Variants in CSMD1 observed in about 807,000 individuals in gnomAD.
CSMD1 encodes CUB and Sushi multiple domains 1.
A neutral mutation model predicts 417.5 loss-of-function variants in CSMD1; 213 were observed. The ratio of observed to expected loss-of-function variants is 0.51; its 90% CI spans 0.46 to 0.57. The LOEUF (loss-of-function observed/expected upper bound fraction) is 0.57. Ranked by LOEUF, CSMD1 falls within the 20% of genes least tolerant of loss-of-function variation. CSMD1 has a pLI of 0.00. For synonymous variants in CSMD1, 2,862 were observed against 1,736.8 expected (o/e 1.65, Z -16.11); for missense variants, 6,923 against 4,529.7 (o/e 1.53, Z -15.17).
intron 3 of CSMD1, among the ~76,000 whole-genome samples, chr8:4,283,608 G>A (rs1042728438): frequency 2.6e-5 from 4 of 152,128 alleles, no homozygotes; most frequent in Non-Finnish European, 5.9e-5. Context: ...GGTCCTTGGG[G>A]ACACGAAACT....
At chr8:4,142,352 T>C (rs1382611548) in intron 3 of CSMD1, among the ~76,000 whole-genome samples, 1 of 151,188 alleles carries the variant, frequency 6.6e-6, no homozygotes, top group Non-Finnish European at 1.5e-5. Flanking sequence ...GGTTATGATA[T>C]TTGGCTGTAG....
At chr8:4,251,766 G>A (rs867134871) in intron 3 of CSMD1, among the ~76,000 whole-genome samples, 2 of 151,996 alleles carry the variant, frequency 1.3e-5, no homozygotes, top group Non-Finnish European at 2.9e-5. Context: ...GTGTGTGAGA[G>A]TGATGCAGGG....
chr8:3,449,680 G>C (rs973750635), intron 12 of CSMD1, among the ~76,000 whole-genome samples: 4 of 151,990 alleles, frequency 2.6e-5, no homozygotes, highest in Non-Finnish European at 5.9e-5. Flanking sequence ...ACCATGCCTG[G>C]CTAATTTTTG....
chr8:3,784,484 G>T (rs1584993186), intron 5 of CSMD1, among the ~76,000 whole-genome samples: 1 of 152,150 alleles, frequency 6.6e-6, no homozygotes, highest in Non-Finnish European at 1.5e-5. Flanking sequence ...AACTTCTAGG[G>T]ATGGGCACTT....
chr8:3,071,230 T>C (rs61531240), intron 49 of CSMD1, among the ~76,000 whole-genome samples: 8 of 152,146 alleles, frequency 5.3e-5, no homozygotes, highest in African/African-American at 1.9e-4. Context: ...GGGACAAATA[T>C]CCAAAATATA....
intron 5 of CSMD1, among the ~76,000 whole-genome samples, chr8:3,978,271 C>A (rs575617378): frequency 6.6e-6 from 1 of 152,190 alleles, no homozygotes; most frequent in Admixed American, 6.5e-5. Context: ...ACATGGGAGC[C>A]TCAGTCACCC....
At chr8:3,885,173 T>C (rs1003504495) in intron 5 of CSMD1, among the ~76,000 whole-genome samples, 2 of 152,060 alleles carry the variant, frequency 1.3e-5, no homozygotes, top group African/African-American at 2.4e-5. Flanking sequence ...GCGTTGAGTT[T>C]ATTAAGAGAC....
intron 5 of CSMD1, among the ~76,000 whole-genome samples, chr8:3,778,965 G>C (rs766584715): frequency 1.3e-5 from 2 of 152,166 alleles, no homozygotes; most frequent in Non-Finnish European, 2.9e-5. Flanking sequence ...GCCTTGGCTT[G>C]TGTTCTTTTC....
chr8:3,826,231 G>A (rs1304630138), intron 5 of CSMD1, among the ~76,000 whole-genome samples: 1 of 152,148 alleles, frequency 6.6e-6, no homozygotes, highest in African/African-American at 2.4e-5. Flanking sequence ...CTAGAAAGAT[G>A]AAGTGATGCA....
Position 2,957,711 on chromosome 8 carries a change from G to C in CSMD1, c.9799C>G (p.Gln3267Glu). 2 of 1,589,600 alleles carry C rather than the reference G, an allele frequency of 1.3e-6. No individual in the cohort carries two copies. The highest frequency in any genetic ancestry group is 1.7e-6 in the Non-Finnish European group (2 of 1,165,850). The change falls in exon 63 of 70, where the codon CAG becomes GAG. Residue 3267 changes from glutamine to glutamate, a missense_variant. Transcript: ENST00000635120. ...TCACACTTACGTATACATTCGGTCT[G>C]TATCCCACTCCATGTTAAATTGGCA... is the stretch of plus-strand genomic sequence containing the variant. ...CLANLTWSGI[Q>E]TECIPHACRQ...
At chr8:3,394,118 T>C (rs1385606050) in intron 17 of CSMD1, among the ~76,000 whole-genome samples, 1 of 140,506 alleles carries the variant, frequency 7.1e-6, no homozygotes, top group East Asian at 2.1e-4. Flanking sequence ...GATGGAAGAA[T>C]GCCTTACGAA....
chr8:4,784,243 AG>A (rs1797293774), intron 1 of CSMD1, among the ~76,000 whole-genome samples: 1 of 152,212 alleles, frequency 6.6e-6, no homozygotes, highest in East Asian at 1.9e-4. Flanking sequence ...TAATTGGAAA[AG>A]TCAAGCCCAA....
chr8:4,722,118 G>A (rs1224121129), intron 1 of CSMD1, among the ~76,000 whole-genome samples: 1 of 152,074 alleles, frequency 6.6e-6, no homozygotes, highest in African/African-American at 2.4e-5. Context: ...AGGTAATAGT[G>A]TTATGTTGTA....
At chr8:4,960,584 T>C (rs989481412) in intron 1 of CSMD1, among the ~76,000 whole-genome samples, 1 of 152,192 alleles carries the variant, frequency 6.6e-6, no homozygotes, top group Non-Finnish European at 1.5e-5. Flanking sequence ...ACACAATAGA[T>C]AGAATAATGC....
chr8:3,637,744 C>A (rs1276331558), intron 7 of CSMD1, among the ~76,000 whole-genome samples: 3 of 152,124 alleles, frequency 2.0e-5, no homozygotes, highest in African/African-American at 4.8e-5. Flanking sequence ...TGTCCCCACC[C>A]AAATCTCATC....
chr8:4,850,950 C>CT (rs35923749), intron 1 of CSMD1, among the ~76,000 whole-genome samples: 62,534 of 150,024 alleles, frequency 0.42, 14,760 homozygotes, highest in East Asian at 0.68. Flanking sequence ...TGTTAATTTC[C>CT]TTTTTTTAAT....
At chr8:4,196,827 T>A (rs1799366456) in intron 3 of CSMD1, among the ~76,000 whole-genome samples, 1 of 152,142 alleles carries the variant, frequency 6.6e-6, no homozygotes, top group African/African-American at 2.4e-5. Context: ...ATGAACACAC[T>A]GGGGGTGATA....
At chr8:3,704,022 G>C (rs141296231) in intron 7 of CSMD1, among the ~76,000 whole-genome samples, 3 of 152,110 alleles carry the variant, frequency 2.0e-5, no homozygotes, top group African/African-American at 7.2e-5. Context: ...AGTGAGCTGA[G>C]ATCCTGCCAC....
At chr8:4,943,431 G>C (rs959166960) in intron 1 of CSMD1, among the ~76,000 whole-genome samples, 3 of 151,914 alleles carry the variant, frequency 2.0e-5, no homozygotes, top group Non-Finnish European at 4.4e-5. Context: ...GGGAGGCGGA[G>C]CTTGCAGTGA....
Sources: gnomAD v4.1 joint callset for allele counts (sites outside exome capture counted in the v4.1 genomes callset) on GRCh38, gnomAD v4.1.1 for gene constraint, MANE v1.5 for transcripts, NCBI Gene and HGNC (gene_info 2026-07-23, HGNC 2026-07-21) for gene names.